SLC7A14: variants seen among roughly 807,000 people sequenced by gnomAD.
The protein encoded by SLC7A14 is gamma-aminobutyric acid transporter SLC7A14.
In SLC7A14, 37 loss-of-function variants were observed where a neutral mutation model predicts 60.2. That is an observed-to-expected ratio of 0.61 (90% CI 0.47 to 0.81). SLC7A14 has a LOEUF of 0.81. Among genes scored for constraint, SLC7A14 ranks in the 30% least tolerant of loss-of-function variants. The probability of loss-of-function intolerance (pLI) is 0.00; values close to 1 mark genes in which losing one functional copy is unlikely to be tolerated. For synonymous variants in SLC7A14, 399 were observed against 395.8 expected (o/e 1.01, Z -0.10); for missense variants, 886 against 982.7 (o/e 0.90, Z 1.32).
At chr3:170,572,137 C>T (rs1714976015) in intron 1 of SLC7A14, among the ~76,000 whole-genome samples, 1 of 150,220 alleles carries the variant, frequency 6.7e-6, no homozygotes, top group Admixed American at 6.6e-5. Flanking sequence ...AATCTGTGAA[C>T]TCCTGGGCCT....
chr3:170,524,892 C>A (rs866146462), intron 2 of SLC7A14, among the ~76,000 whole-genome samples: 2 of 152,170 alleles, frequency 1.3e-5, no homozygotes, highest in African/African-American at 4.8e-5. Flanking sequence ...GAAGACATGA[C>A]AGGAGGTTAA....
chr3:170,530,623 C>T (rs939882620), intron 1 of SLC7A14, among the ~76,000 whole-genome samples: 3 of 152,204 alleles, frequency 2.0e-5, no homozygotes, highest in African/African-American at 7.2e-5. Context: ...TATGAGATGA[C>T]TTACTTTCTA....
chr3:170,577,553 G>A (rs1168005708), intron 1 of SLC7A14, among the ~76,000 whole-genome samples: 4 of 148,844 alleles, frequency 2.7e-5, no homozygotes, highest in Admixed American at 2.0e-4. Flanking sequence ...GGGAAGCAGA[G>A]CTTGCAGTGA....
rs148855278 is a variant in SLC7A14, at chr3:170,555,619, C to A, written c.-152-28531G>T. The stretch of plus-strand genomic sequence containing the variant: ...ACTACACACCTAGGCTACATGGTAT[C>A]GCCTGTTGCTCCTAGGCTATAAACC... On this transcript the variant is annotated intron_variant, in intron 1 of 7. Coordinates refer to ENST00000231706, the MANE Select transcript of SLC7A14 (RefSeq NM_020949.3). Among the ~76,000 whole-genome samples the A allele has an allele frequency of 9.6e-4, 146 of 152,238 alleles. 1 individual carries two copies. Among genetic ancestry groups the A allele is most frequent in the African/African-American group, 3.4e-3 (140 of 41,550 alleles).
chr3:170,549,781 A>G (rs764262391), intron 1 of SLC7A14, among the ~76,000 whole-genome samples: 1 of 152,200 alleles, frequency 6.6e-6, no homozygotes, highest in African/African-American at 2.4e-5. Context: ...AGCAGGGGAG[A>G]AAACATATCT....
At position 170,553,354 on chromosome 3, in the gene SLC7A14, A is replaced by G. The variant is rs539403873; in HGVS notation, c.-152-26266T>C. ...CATTGATTAGTCTTGCAGCTCATAA[A>G]GATGTATTACCATTTGTTTATATAC... On this transcript the variant is annotated intron_variant, in intron 1 of 7. Transcript: ENST00000231706. 2.0e-5 allele frequency among the ~76,000 whole-genome samples: 3 copies of G among 152,324 alleles called. No individual in the cohort carries two copies. The East Asian group carries it at 5.8e-4, about 29-fold the overall frequency.
chr3:170,520,901 T>C (rs1324804016), intron 2 of SLC7A14, among the ~76,000 whole-genome samples: 7 of 152,250 alleles, frequency 4.6e-5, no homozygotes, highest in Non-Finnish European at 8.8e-5. Context: ...GTTTCATCCA[T>C]AGCCAACTAC....
At position 170,465,641 on chromosome 3, in the gene SLC7A14, A is replaced by G. The variant is rs1739699087; in HGVS notation, c.*1414T>C. On this transcript the variant is annotated 3_prime_UTR_variant, in exon 8 of 8. Transcript: ENST00000231706. ...TTTGTCCCTCTTTCAGGAAATCCTC[A>G]CAGAGATTTTATTAATAGCTTGATT... The G allele has an allele frequency of 6.6e-6, 1 of 152,234 alleles. No homozygotes were observed. The allele number at this position is 152,234 out of a possible 1,614,324, so 9.4% of individuals were successfully genotyped here. A position where few individuals can be genotyped will look rare whatever the true frequency, so the allele number is the denominator to read the frequency against.
intron 2 of SLC7A14, chr3:170,502,753 A>G (rs1358301712): frequency 6.6e-6 from 1 of 152,242 alleles, no homozygotes; most frequent in African/African-American, 2.4e-5. Flanking sequence ...CAGAGATGTC[A>G]AAAGCAATGG....
At chr3:170,549,923 G>GAAACA (rs1184243860) in intron 1 of SLC7A14, among the ~76,000 whole-genome samples, 1 of 152,222 alleles carries the variant, frequency 6.6e-6, no homozygotes, top group African/African-American at 2.4e-5. Context: ...TCTGATGGGT[G>GAAACA]AAAGCTTTAG....
At chr3:170,491,961 T>G (rs1462489202) in intron 4 of SLC7A14, among the ~76,000 whole-genome samples, 1 of 152,142 alleles carries the variant, frequency 6.6e-6, no homozygotes, top group South Asian at 2.1e-4. Flanking sequence ...AAAGAGAAGA[T>G]AGAAAATTAG....
At chr3:170,512,931 G>T (rs1414423624) in intron 2 of SLC7A14, among the ~76,000 whole-genome samples, 1 of 152,100 alleles carries the variant, frequency 6.6e-6, no homozygotes, top group Non-Finnish European at 1.5e-5. Flanking sequence ...ACCTGCTGCT[G>T]GTCTATGAGG....
At chr3:170,582,523 C>A (rs566621582) in intron 1 of SLC7A14, among the ~76,000 whole-genome samples, 6 of 152,254 alleles carry the variant, frequency 3.9e-5, no homozygotes, top group African/African-American at 1.2e-4. Context: ...GTTTAAGGTT[C>A]TGGTTCACAG....
intron 7 of SLC7A14, among the ~76,000 whole-genome samples, chr3:170,474,116 T>G (rs954750173): frequency 2.0e-5 from 3 of 152,178 alleles, no homozygotes; most frequent in Non-Finnish European, 4.4e-5. Context: ...GAATAATATA[T>G]TGTGGTATAT....
Position 170,478,753 on chromosome 3 carries a change from G to A in SLC7A14, c.1993+1536C>T, listed in dbSNP as rs576619042. Among the ~76,000 whole-genome samples, 3 of 152,260 alleles carry A rather than the reference G, an allele frequency of 2.0e-5. No homozygotes were observed. In the South Asian group the frequency reaches 6.2e-4, roughly 32 times the overall value. On this transcript the variant is annotated intron_variant, in intron 7 of 7. Transcript: ENST00000231706. ...TTTGAGCACATACTGCGGGCACCCT[G>A]CTCCAGACACGGAGGACACATGTTG...
At chr3:170,486,855 G>C (rs1712051139) in intron 4 of SLC7A14, among the ~76,000 whole-genome samples, 1 of 136,880 alleles carries the variant, frequency 7.3e-6, no homozygotes, top group Admixed American at 7.4e-5. Flanking sequence ...CTCGGCGACA[G>C]AGGGAGACTC....
At chr3:170,529,076 A>G (rs1052501910) in intron 1 of SLC7A14, among the ~76,000 whole-genome samples, 1 of 152,240 alleles carries the variant, frequency 6.6e-6, no homozygotes, top group Non-Finnish European at 1.5e-5. Flanking sequence ...TTTTCCCTGA[A>G]AAGCTTGGCC....
chr3:170,555,741 T>C (rs1714469569), intron 1 of SLC7A14, among the ~76,000 whole-genome samples: 1 of 152,214 alleles, frequency 6.6e-6, no homozygotes, highest in Non-Finnish European at 1.5e-5. Flanking sequence ...AAAAATATAG[T>C]ATTATAATCT....
chr3:170,568,058 G>A (rs1178879982), intron 1 of SLC7A14, among the ~76,000 whole-genome samples: 1 of 151,940 alleles, frequency 6.6e-6, no homozygotes, highest in Non-Finnish European at 1.5e-5. Context: ...ATTGCTTTTG[G>A]TGTTTTAGAC....
Sources: allele counts gnomAD v4.1 joint callset (sites outside exome capture counted in the v4.1 genomes callset), GRCh38; gene constraint gnomAD v4.1.1; transcripts MANE v1.5; gene names NCBI Gene and HGNC (gene_info 2026-07-23, HGNC 2026-07-21).